The following GRHL2 variants were observed in gnomAD, a reference collection of about 807,000 sequenced individuals.
GRHL2 encodes the protein grainyhead-like protein 2 homolog.
GRHL2 carries 21 observed loss-of-function variants against 83.8 expected under a neutral mutation model. The ratio of observed to expected loss-of-function variants is 0.25; its 90% confidence interval spans 0.18 to 0.36. The LOEUF is 0.36. Ranked by LOEUF, GRHL2 falls within the 10% of genes least tolerant of loss-of-function variation. The pLI, the probability that GRHL2 is intolerant of heterozygous loss-of-function variation, is 1.00. For missense variants in GRHL2, 623 were observed against 781.8 expected, an observed-to-expected ratio of 0.80 and a Z score of 2.42; for synonymous variants, 280 against 278.9, an observed-to-expected ratio of 1.00 and a Z score of -0.04.
rs6984360 is a variant in GRHL2 at position 101,543,073 on chromosome 8, A to G, written c.21-168A>G. ...GACTTATTACTTCTCATAGACAGTAAAAAAATAAATCAGTAGTTGTCACTT... is the reference window on the plus strand; with the variant it reads ...GACTTATTACTTCTCATAGACAGTAGAAAAATAAATCAGTAGTTGTCACTT... On this transcript the variant is annotated intron_variant, in intron 1 of 15. Transcript: ENST00000646743. Among the ~76,000 whole-genome samples the G allele has an allele frequency of 0.42, 64,510 of 152,188 alleles. 16,100 individuals are homozygous for G. The highest frequency in any genetic ancestry group is 0.55 in the Non-Finnish European group (37,656 of 67,988).
chr8:101,675,903 T>C, the GRHL2 span, among the ~76,000 whole-genome samples: 226 of 151,596 alleles, frequency 1.5e-3, 1 homozygote, highest in Non-Finnish European at 7.2e-4. Flanking sequence ...AGAAATAATG[T>C]CACATATCTA....
intron 8 of GRHL2, among the ~76,000 whole-genome samples, chr8:101,607,691 A>G (rs1478711863): frequency 1.3e-5 from 2 of 152,210 alleles, no homozygotes; most frequent in African/African-American, 4.8e-5. Flanking sequence ...GCACACTGCA[A>G]AGCAGGGCAA....
chr8:101,611,805 A>C (rs1812755310), intron 8 of GRHL2, among the ~76,000 whole-genome samples: 1 of 149,566 alleles, frequency 6.7e-6, no homozygotes, highest in African/African-American at 2.5e-5. Context: ...TTTCCTCACC[A>C]CTCCCTGCCT....
intron 1 of GRHL2, among the ~76,000 whole-genome samples, chr8:101,515,156 TTCTCTC>T: frequency 9.7e-6 from 1 of 103,624 alleles, no homozygotes; most frequent in African/African-American, 3.9e-5. Context: ...CCCTCTCTCT[TTCTCTC>T]TCTCTGTCTC....
At chr8:101,492,849 G>C in intron 1 of GRHL2, 60 bp downstream of exon 1, 1 of 1,507,016 alleles carries the variant, frequency 6.6e-7, no homozygotes, top group Non-Finnish European at 9.2e-7. Flanking sequence ...GATGGCAACT[G>C]GTTTGTTATG....
intron 14 of GRHL2, among the ~76,000 whole-genome samples, 159 bp downstream of exon 14, chr8:101,649,658 C>T (rs138895766): frequency 6.6e-6 from 1 of 151,984 alleles, no homozygotes; most frequent in African/African-American, 2.4e-5. Flanking sequence ...TCGCTACTGT[C>T]AAGGCTTATT....
intron 1 of GRHL2, among the ~76,000 whole-genome samples, chr8:101,533,467 G>C (rs141834890): frequency 2.6e-3 from 392 of 152,250 alleles, no homozygotes; most frequent in African/African-American, 9.0e-3. Context: ...CACTGTTCAA[G>C]GTGCTTGTGA....
At chr8:101,553,206 A>C (rs1288754070) in intron 3 of GRHL2, among the ~76,000 whole-genome samples, 1 of 152,210 alleles carries the variant, frequency 6.6e-6, no homozygotes, top group African/African-American at 2.4e-5. Context: ...CAGCCAAGGG[A>C]GGCATAGGTG....
chr8:101,492,883 T>A, intron 1 of GRHL2, 94 bp downstream of exon 1: 1 of 1,150,568 alleles, frequency 8.7e-7, no homozygotes, highest in Non-Finnish European at 1.3e-6. Flanking sequence ...GTTGCTATTG[T>A]TGGTATTTTT....
At chr8:101,610,672 G>A (rs1459854563) in intron 8 of GRHL2, among the ~76,000 whole-genome samples, 1 of 151,032 alleles carries the variant, frequency 6.6e-6, no homozygotes, top group Admixed American at 6.6e-5. Context: ...AAAGAAGAAA[G>A]TGAGTCCCAG....
chr8:101,666,737 T>A lies in GRHL2; in HGVS notation c.*34T>A. 1 of 1,280,754 alleles carries A rather than the reference T, an allele frequency of 7.8e-7. No individual in the cohort carries two copies. The allele number at this position is 1,280,754 out of a possible 1,614,324, so 79.3% of individuals were successfully genotyped here. A position where few individuals can be genotyped will look rare whatever the true frequency, so the allele number is the denominator to read the frequency against. ...TTGGCATCCGCTTTGGCTGGAGCTC[T>A]CAGTGCGTTCCTCCCTGAGAGAGAC... On this transcript the variant is annotated 3_prime_UTR_variant, in exon 16 of 16. Transcript: ENST00000646743.
At chr8:101,599,000 C>T (rs1456768957) in intron 7 of GRHL2, 57 bp from the exon 8 acceptor site, 11 of 1,163,644 alleles carry the variant, frequency 9.5e-6, no homozygotes, top group Non-Finnish European at 1.4e-5. Flanking sequence ...TGGTTCAGTA[C>T]ATGTCACTGA....
chr8:101,616,000 A>T (rs1812846829), intron 8 of GRHL2, among the ~76,000 whole-genome samples: 2 of 151,818 alleles, frequency 1.3e-5, no homozygotes, highest in South Asian at 4.2e-4. Context: ...AGAATCGGAC[A>T]TAGCATTTTT....
At chr8:101,636,636 T>C (rs1259709192) in intron 11 of GRHL2, 1 of 529,808 alleles carries the variant, frequency 1.9e-6, no homozygotes, top group East Asian at 3.2e-5. Flanking sequence ...TAGCTAGAAA[T>C]AATCAGATTT....
At chr8:101,550,977 C>T (rs191548176) in intron 2 of GRHL2, among the ~76,000 whole-genome samples, 29 of 152,296 alleles carry the variant, frequency 1.9e-4, no homozygotes, top group Non-Finnish European at 3.2e-4. Flanking sequence ...CGTTGTATGG[C>T]CATGTCCCAT....
chr8:101,659,558 T>C (rs1271434696), intron 14 of GRHL2, among the ~76,000 whole-genome samples: 1 of 152,198 alleles, frequency 6.6e-6, no homozygotes, highest in Non-Finnish European at 1.5e-5. Context: ...CTCCTGAGAA[T>C]TGGCTATGTC....
At chr8:101,502,586 G>A (rs945683294) in intron 1 of GRHL2, among the ~76,000 whole-genome samples, 7 of 152,212 alleles carry the variant, frequency 4.6e-5, no homozygotes, top group East Asian at 1.9e-4. Context: ...TGGCAGGGAC[G>A]CTGAGAACTT....
At chr8:101,583,225 T>C (rs1812092927) in intron 7 of GRHL2, among the ~76,000 whole-genome samples, 1 of 152,186 alleles carries the variant, frequency 6.6e-6, no homozygotes, top group Admixed American at 6.5e-5. Flanking sequence ...GAGGTAATTC[T>C]GAGCCAGCAT....
intron 4 of GRHL2, among the ~76,000 whole-genome samples, chr8:101,560,038 CTG>C (rs1357677642): frequency 1.3e-5 from 2 of 152,276 alleles, no homozygotes; most frequent in African/African-American, 4.8e-5. Flanking sequence ...TGGAGTCTCA[CTG>C]TGTGGCCCAG....
Sources: gnomAD v4.1 joint callset for allele counts (sites outside exome capture counted in the v4.1 genomes callset) on GRCh38, gnomAD v4.1.1 for gene constraint, MANE v1.5 for transcripts, NCBI Gene and HGNC (gene_info 2026-07-23, HGNC 2026-07-21) for gene names.